COCH: variants seen among roughly 807,000 people sequenced by gnomAD.
The protein encoded by COCH is cochlin.
A neutral mutation model predicts 54.8 loss-of-function variants in COCH; 40 were observed. The observed-to-expected ratio is 0.73, with a 90% confidence interval of 0.57 to 0.95. The LOEUF is 0.95. Among genes scored for constraint, COCH ranks in the 40% least tolerant of loss-of-function variants. The pLI is 0.00. For synonymous variants in COCH, 256 were observed against 237.9 expected (o/e 1.08, Z -0.70); for missense variants, 605 against 675.0 (o/e 0.90, Z 1.15).
intron 8 of COCH, among the ~76,000 whole-genome samples, chr14:30,880,949 C>G (rs560333801): frequency 1.3e-4 from 20 of 152,138 alleles, no homozygotes; most frequent in Non-Finnish European, 1.8e-4. Context: ...TGCAGTGGCT[C>G]ACGCCTGTAA....
chr14:30,888,454 C>A (rs1895866267), intron 11 of COCH, among the ~76,000 whole-genome samples: 1 of 151,810 alleles, frequency 6.6e-6, no homozygotes, highest in South Asian at 2.1e-4. Context: ...AAAATTGCAC[C>A]CAGCATTAGA....
At chr14:30,875,705 A>C (rs550097646) in intron 3 of COCH, 1 of 175,044 alleles carries the variant, frequency 5.7e-6, no homozygotes, top group Non-Finnish European at 1.2e-5. Flanking sequence ...TGTATTTTCC[A>C]GTGTAAAAGG....
chr14:30,893,572 A>G (rs1896048991), downstream of COCH, among the ~76,000 whole-genome samples: 1 of 152,228 alleles, frequency 6.6e-6, no homozygotes, highest in Non-Finnish European at 1.5e-5. Context: ...ATTGAAATTC[A>G]GATTTAATAA....
In COCH at chr14:30,889,973, T is replaced by G; in HGVS notation, c.*182T>G. 1 of 1,357,040 alleles carries G rather than the reference T, an allele frequency of 7.4e-7. No homozygotes were observed. The highest frequency in any genetic ancestry group is 1.8e-5 in the South Asian group (1 of 55,338). The allele number at this position is 1,357,040 out of a possible 1,614,324, so 84.1% of individuals were successfully genotyped here. ...GCTGCCTTCTGGTTACAATTTACAG[T>G]GTACTTTGTTAAAAACACTGCTGAG... On this transcript the variant is annotated 3_prime_UTR_variant, in exon 12 of 12. Transcript: ENST00000396618.
chr14:30,882,220 C>T (rs746047938), intron 8 of COCH, among the ~76,000 whole-genome samples: 25 of 137,292 alleles, frequency 1.8e-4, no homozygotes, highest in Non-Finnish European at 3.0e-4. Flanking sequence ...ACCTCTGCCT[C>T]CTGGATTTAA....
Position 30,880,623 on chromosome 14 carries a change from G to A in COCH, c.518G>A (p.Ser173Asn), listed in dbSNP as rs763763889. 3 of 1,614,118 alleles carry A rather than the reference G, an allele frequency of 1.9e-6. No individual in the cohort carries two copies. The highest frequency in any genetic ancestry group is 2.5e-6 in the Non-Finnish European group (3 of 1,180,034). ...GACATTGCATTTCTGATTGATGGAA[G>A]CTTTAATATTGGGCAGCGCCGATTT... is the stretch of plus-strand genomic sequence containing the variant. ...KADIAFLIDGSFNIGQRRFNL... is the reference protein window; with the variant it reads ...KADIAFLIDGNFNIGQRRFNL... The change falls in exon 8 of 12, where the codon AGC becomes AAC. Residue 173 changes from serine to asparagine, a missense_variant. Coordinates refer to ENST00000396618, the MANE Select transcript of COCH (RefSeq NM_004086.3).
In COCH at chr14:30,880,650, A is replaced by C; in HGVS notation, c.545A>C (p.Asn182Thr). 1 of 1,614,188 alleles carries C rather than the reference A, an allele frequency of 6.2e-7. No individual in the cohort carries two copies. The highest frequency in any genetic ancestry group is 8.5e-7 in the Non-Finnish European group (1 of 1,180,032). The stretch of plus-strand genomic sequence containing the variant: ...TTTAATATTGGGCAGCGCCGATTTA[A>C]TTTACAGAAGAATTTTGTTGGAAAA... ...GSFNIGQRRF[N>T]LQKNFVGKVA... The change falls in exon 8 of 12, where the codon AAT (asparagine) becomes ACT (threonine). Residue 182 changes from asparagine to threonine, a missense_variant. Coordinates refer to ENST00000396618, the MANE Select transcript of COCH (RefSeq NM_004086.3).
At chr14:30,887,030 T>C (rs1895814127) in intron 11 of COCH, among the ~76,000 whole-genome samples, 1 of 152,142 alleles carries the variant, frequency 6.6e-6, no homozygotes, top group South Asian at 2.1e-4. Flanking sequence ...CCCTAACTTT[T>C]ATTTTAGTCA....
intron 8 of COCH, among the ~76,000 whole-genome samples, chr14:30,881,836 C>T (rs1895601182): frequency 6.6e-6 from 1 of 150,938 alleles, no homozygotes; most frequent in African/African-American, 2.4e-5. Context: ...TGGTGGCAGG[C>T]GCCTGTAGTC....
chr14:30,890,510 T>C lies in COCH; in HGVS notation c.*719T>C. 2.3e-5 allele frequency: 21 copies of C among 928,046 alleles called. No homozygotes were observed. The highest frequency in any genetic ancestry group is 2.4e-5 in the Non-Finnish European group (19 of 777,572). 57.5% of individuals were successfully genotyped at this position (928,046 alleles called of 1,614,324 possible). A position where few individuals can be genotyped will look rare whatever the true frequency, so the allele number is the denominator to read the frequency against. ...ACTTAAAAGTTAAGTTGGTAAAGTA[T>C]TTACTGACTGCTTATAAACATTTAA... On this transcript the variant is annotated 3_prime_UTR_variant, in exon 12 of 12. Coordinates refer to ENST00000396618, the MANE Select transcript of COCH (RefSeq NM_004086.3).
intron 6 of COCH, 123 bp from the exon 7 acceptor site, chr14:30,880,329 T>C (rs1428025153): frequency 1.4e-6 from 2 of 1,429,136 alleles, no homozygotes; most frequent in African/African-American, 1.4e-5. Context: ...CCTGAGGAAA[T>C]TAATTTTTTT....
At chr14:30,874,888 C>T (rs1292624663) in intron 1 of COCH, 28 bp from the exon 2 acceptor site, 2 of 1,608,326 alleles carry the variant, frequency 1.2e-6, no homozygotes, top group Non-Finnish European at 1.7e-6. Context: ...CGCACCCTGG[C>T]CTTGCCCGCA....
downstream of COCH, chr14:30,895,336 A>G: frequency 6.9e-7 from 1 of 1,449,844 alleles, no homozygotes; most frequent in Non-Finnish European, 9.2e-7. Context: ...TCATATCAGT[A>G]ACCTTTCTGA....
chr14:30,888,414 A>C (rs1008469871), intron 11 of COCH, among the ~76,000 whole-genome samples: 1 of 152,152 alleles, frequency 6.6e-6, no homozygotes, highest in Non-Finnish European at 1.5e-5. Context: ...CTGTAGAGGA[A>C]AACTATTACA....
chr14:30,877,677 G>A lies in COCH; in HGVS notation c.188G>A (p.Gly63Glu). Residue 63 changes from glycine to glutamate, a missense_variant, in exon 4 of 12, where the codon GGG becomes GAG. Physicochemically the swap from Gly to Glu is moderately conservative, Grantham distance 98. Coordinates refer to ENST00000396618, the MANE Select transcript of COCH (RefSeq NM_004086.3). This position sits in a 1 kb window ranked among gnomAD's most constrained non-coding sequence, Gnocchi z 8.6. The stretch of plus-strand genomic sequence containing the variant: ...CCTCTTGAGGAATTCTCTGTGTATG[G>A]GAACATAGTATATGCTTCTGTATCG... ...GCPLEEFSVYGNIVYASVSSI... is the reference protein window; with the variant it reads ...GCPLEEFSVYENIVYASVSSI... The A allele has an allele frequency of 6.2e-7, 1 of 1,614,162 alleles. No homozygotes were observed. Among genetic ancestry groups the A allele is most frequent in the Non-Finnish European group, 8.5e-7 (1 of 1,180,034 alleles).
intron 11 of COCH, among the ~76,000 whole-genome samples, chr14:30,887,814 C>G (rs1312467120): frequency 6.6e-6 from 1 of 152,194 alleles, no homozygotes; most frequent in Admixed American, 6.5e-5. Flanking sequence ...AGTTCCACAT[C>G]TAGCTTGTAA....
In COCH at chr14:30,885,406, A is replaced by C; in HGVS notation, c.746A>C (p.Lys249Thr). The change falls in exon 10 of 12, where the codon AAG (lysine) becomes ACG (threonine). Residue 249 changes from lysine (K) to threonine (T), a missense_variant. Lys to Thr is a moderately conservative substitution (Grantham distance 78). Coordinates refer to ENST00000396618, the MANE Select transcript of COCH (RefSeq NM_004086.3). ...TTTTCAAATTTAGGAAAAGCCTTGAAGCATACTGCTCAGAAATTCTTCACG... is the reference window on the plus strand; with the variant it reads ...TTTTCAAATTTAGGAAAAGCCTTGACGCATACTGCTCAGAAATTCTTCACG... Reference protein sequence around the residue: ...GGNSNTGKALKHTAQKFFTVD... With the variant: ...GGNSNTGKALTHTAQKFFTVD... The C allele has an allele frequency of 6.2e-7, 1 of 1,613,704 alleles. No individual in the cohort carries two copies. Among genetic ancestry groups the C allele is most frequent in the Non-Finnish European group, 8.5e-7 (1 of 1,179,564 alleles).
In COCH at chr14:30,875,134, G is replaced by C. The variant is rs1055192444; in HGVS notation, c.82+31G>C. 5.2e-6 allele frequency: 8 copies of C among 1,548,340 alleles called. No individual in the cohort carries two copies. The African/African-American group carries it at 8.2e-5, about 16-fold the overall frequency. On this transcript the variant is annotated intron_variant, in intron 3 of 11. Coordinates refer to ENST00000396618, the MANE Select transcript of COCH (RefSeq NM_004086.3). ...TGGGGGAGCTGGGGTGCGTCCAGGCGGTCGCAGGGGCTGAGCACCAGCGGG... is the reference window on the plus strand; with the variant it reads ...TGGGGGAGCTGGGGTGCGTCCAGGCCGTCGCAGGGGCTGAGCACCAGCGGG...
In COCH at chr14:30,885,430, C is replaced by T. The variant is rs963288777; in HGVS notation, c.770C>T (p.Thr257Met). 1.1e-5 allele frequency: 18 copies of T among 1,613,898 alleles called. No individual in the cohort carries two copies. The highest frequency in any genetic ancestry group is 1.3e-5 in the African/African-American group (1 of 74,904). ...AAGCATACTGCTCAGAAATTCTTCA[C>T]GGTAGATGCTGGAGTAAGAAAAGGG... The part of the protein sequence containing the change: ...ALKHTAQKFF[T>M]VDAGVRKGIP... The change falls in exon 10 of 12, where the codon ACG becomes ATG. Residue 257 changes from threonine (T) to methionine (M), a missense_variant. Coordinates refer to ENST00000396618, the MANE Select transcript of COCH (RefSeq NM_004086.3).
Sources: allele counts gnomAD v4.1 joint callset (sites outside exome capture counted in the v4.1 genomes callset), GRCh38; gene constraint gnomAD v4.1.1; non-coding constraint Gnocchi (gnomAD v3.1); transcripts MANE v1.5; gene names NCBI Gene and HGNC (gene_info 2026-07-23, HGNC 2026-07-21).